The following PCLO variants were observed in gnomAD, a reference collection of about 807,000 sequenced individuals.
The protein encoded by PCLO is piccolo presynaptic cytomatrix protein.
PCLO carries 82 observed loss-of-function variants against 427.5 expected under a neutral mutation model. The observed-to-expected ratio is 0.19, with a 90% CI of 0.16 to 0.23. The LOEUF is 0.23. Ranked by LOEUF, PCLO falls within the 10% of genes least tolerant of loss-of-function variation. The probability of loss-of-function intolerance (pLI) is 1.00; values close to 1 mark genes in which losing one functional copy is unlikely to be tolerated. For synonymous variants in PCLO, 2,357 were observed against 2,155.4 expected, an observed-to-expected ratio of 1.09 and a Z score of -2.59; for missense variants, 6,239 against 6,115.9, an observed-to-expected ratio of 1.02 and a Z score of -0.67.
chr7:83,014,974 C>T (rs949476285), intron 3 of PCLO, among the ~76,000 whole-genome samples: 8 of 152,044 alleles, frequency 5.3e-5, no homozygotes, highest in Non-Finnish European at 1.2e-4. Flanking sequence ...AAGTGCTTTA[C>T]CTGAAATAAC....
In PCLO at chr7:82,838,255, C is replaced by T; in HGVS notation, c.14185G>A (p.Asp4729Asn). The T allele has an allele frequency of 6.3e-7, 1 of 1,598,192 alleles. No homozygotes were observed. The highest frequency in any genetic ancestry group is 8.6e-7 in the Non-Finnish European group (1 of 1,169,436). ...LVPRDNNGYS[D>N]PFVKVYLLPG... is the part of the protein sequence containing the mutation. ...AGAAGGTACACTTTCACAAAAGGGT[C>T]AGAATAACCATTGTTGTCTCGAGGA... is the stretch of plus-strand genomic sequence containing the variant. Residue 4729 changes from aspartate (D) to asparagine (N), a missense_variant, in exon 15 of 25, where the codon GAC becomes AAC. Asp to Asn is a conservative substitution (Grantham distance 23). Transcript: ENST00000333891.
intron 3 of PCLO, among the ~76,000 whole-genome samples, chr7:83,082,246 G>C (rs937402013): frequency 6.6e-6 from 1 of 151,370 alleles, no homozygotes; most frequent in East Asian, 1.9e-4. Context: ...TTTTATTTTT[G>C]ACTTATAATA....
chr7:82,854,414 A>C (rs571548492), intron 10 of PCLO, among the ~76,000 whole-genome samples: 70 of 152,076 alleles, frequency 4.6e-4, no homozygotes, highest in Non-Finnish European at 8.5e-4. Flanking sequence ...CACTTAAAAA[A>C]CATGTGATAC....
intron 9 of PCLO, among the ~76,000 whole-genome samples, chr7:82,891,230 ATTTTTGTC>A (rs1158094441): frequency 8.5e-5 from 13 of 152,056 alleles, no homozygotes; most frequent in African/African-American, 2.9e-4. Context: ...CTGATTAGCT[ATTTTTGTC>A]TTTTTTAAAA....
At position 82,966,494 on chromosome 7, in the gene PCLO, G is replaced by GA. The variant is rs771126277; in HGVS notation, c.3301-8dup. The GA allele has an allele frequency of 1.4e-5, 21 of 1,510,064 alleles. No homozygotes were observed. The African/African-American group carries it at 2.1e-4, about 15-fold the overall frequency. The allele number at this position is 1,510,064 out of a possible 1,614,324, so 93.5% of individuals were successfully genotyped here. ...AACAAAGCCATTCTTGAATCTGTGG[G>GA]AAAAAAATTACAATGAACAGATTGA... On this transcript the variant is annotated splice_region_variant and splice_polypyrimidine_tract_variant and intron_variant, in intron 3 of 24. Transcript: ENST00000333891.
At chr7:82,825,499 C>T (rs1791912462) in intron 18 of PCLO, among the ~76,000 whole-genome samples, 1 of 151,856 alleles carries the variant, frequency 6.6e-6, no homozygotes, top group Non-Finnish European at 1.5e-5. Flanking sequence ...TCCTCATTAT[C>T]ACCTTGATTA....
chr7:82,777,617 T>C (rs950418701), intron 22 of PCLO, among the ~76,000 whole-genome samples: 8 of 152,086 alleles, frequency 5.3e-5, no homozygotes, highest in Non-Finnish European at 7.4e-5. Context: ...ATCTGATCTT[T>C]GGCAATGCTG....
chr7:82,827,672 T>G (rs1791978251), intron 17 of PCLO, among the ~76,000 whole-genome samples: 1 of 152,138 alleles, frequency 6.6e-6, no homozygotes, highest in African/African-American at 2.4e-5. Flanking sequence ...TTGGCTGCTT[T>G]GTCAAAATGT....
In PCLO at chr7:82,954,730, G is replaced by T; in HGVS notation, c.6223C>A (p.Gln2075Lys). 2 of 1,613,832 alleles carry T rather than the reference G, an allele frequency of 1.2e-6. No homozygotes were observed. Among genetic ancestry groups the T allele is most frequent in the Non-Finnish European group, 1.7e-6 (2 of 1,179,830 alleles). Residue 2075 changes from glutamine to lysine, a missense_variant, in exon 5 of 25, where the codon CAA becomes AAA. Physicochemically the swap from Gln to Lys is moderately conservative, Grantham distance 53 (BLOSUM62 1). Around this residue, in one of 5 missense-constraint regions of PCLO, gnomAD observed 4,677 missense variants for 4,468.4 expected, o/e 1.05. Coordinates refer to ENST00000333891, the MANE Select transcript of PCLO (RefSeq NM_033026.6). ...GTTGGGCTAGATCCAGGTGTTAATT[G>T]CATCTGTTGCCTCTTCATAAGTTCT... ...YEELMKRQQM[Q>K]LTPGSSPTQA...
intron 3 of PCLO, among the ~76,000 whole-genome samples, chr7:82,990,204 A>G (rs1796345738): frequency 6.6e-6 from 1 of 152,206 alleles, no homozygotes; most frequent in Middle Eastern, 3.4e-3. Context: ...AAGACTATTG[A>G]GGATCTAGCA....
intron 3 of PCLO, among the ~76,000 whole-genome samples, chr7:83,029,141 C>A (rs1263221596): frequency 6.7e-6 from 1 of 149,512 alleles, no homozygotes; most frequent in Non-Finnish European, 1.5e-5. Context: ...TTCTGCACAG[C>A]AAAAGAAACT....
intron 17 of PCLO, 42 bp from the exon 18 acceptor site, chr7:82,826,702 A>G (rs1489944113): frequency 7.6e-7 from 1 of 1,310,374 alleles, no homozygotes; most frequent in South Asian, 1.4e-5. Context: ...CTATCTTTCC[A>G]TCATACATTT....
intron 3 of PCLO, among the ~76,000 whole-genome samples, chr7:83,131,026 TTTTG>T (rs1168841704): frequency 6.6e-6 from 1 of 152,240 alleles, no homozygotes; most frequent in African/African-American, 2.4e-5. Flanking sequence ...TTCTGACTCA[TTTTG>T]AATTTGATTA....
At chr7:83,131,359 G>A (rs1246776583) in intron 3 of PCLO, among the ~76,000 whole-genome samples, 1 of 152,120 alleles carries the variant, frequency 6.6e-6, no homozygotes, top group African/African-American at 2.4e-5. Context: ...GAGGTGTTAT[G>A]TATGAGACAG....
At position 82,757,538 on chromosome 7, in the gene PCLO, T is replaced by TA. The variant is rs1374125656; in HGVS notation, c.*1036dup. ...AAATATTATGAAATGAGGATCCATT[T>TA]AATTAATCAATGTCACAAGATTAAT... On this transcript the variant is annotated 3_prime_UTR_variant, in exon 25 of 25. Transcript: ENST00000333891. The TA allele has an allele frequency of 6.6e-6, 1 of 151,998 alleles. No individual in the cohort carries two copies. The highest frequency in any genetic ancestry group is 1.5e-5 in the Non-Finnish European group (1 of 67,942). The allele number at this position is 151,998 out of a possible 1,614,324, so 9.4% of individuals were successfully genotyped here. A position where few individuals can be genotyped will look rare whatever the true frequency, so the allele number is the denominator to read the frequency against.
intron 22 of PCLO, among the ~76,000 whole-genome samples, chr7:82,772,331 T>C (rs560373271): frequency 6.6e-6 from 1 of 152,278 alleles, no homozygotes; most frequent in East Asian, 1.9e-4. Context: ...CCAAAATAAA[T>C]GATTGTCAAT....
At chr7:83,127,270 A>G (rs189999246) in intron 3 of PCLO, among the ~76,000 whole-genome samples, 23 of 152,262 alleles carry the variant, frequency 1.5e-4, no homozygotes, top group Admixed American at 1.3e-3. Context: ...GTGAAAAAAA[A>G]TCAATGAAAA....
intron 20 of PCLO, chr7:82,822,244 A>T: frequency 1.4e-5 from 19 of 1,352,066 alleles, no homozygotes; most frequent in Non-Finnish European, 1.8e-5. Flanking sequence ...AAATGCTATG[A>T]GCCAGGTTGG....
At chr7:82,907,073 A>T (rs1403967854) in intron 8 of PCLO, among the ~76,000 whole-genome samples, 1 of 151,980 alleles carries the variant, frequency 6.6e-6, no homozygotes, top group East Asian at 1.9e-4. Context: ...ATTAGAAACA[A>T]GAATGTCCTT....
Sources: allele counts gnomAD v4.1 joint callset (sites outside exome capture counted in the v4.1 genomes callset), GRCh38; gene constraint gnomAD v4.1.1; regional missense constraint gnomAD v4.1.1; transcripts MANE v1.5; gene names NCBI Gene and HGNC (gene_info 2026-07-23, HGNC 2026-07-21).